The following SRBD1 variants were observed in gnomAD, a reference collection of about 807,000 sequenced individuals.
SRBD1 encodes S1 RNA-binding domain-containing protein 1.
In SRBD1, 88 loss-of-function variants were observed where a neutral mutation model predicts 115.3. The ratio of observed to expected loss-of-function variants is 0.76; its 90% CI spans 0.64 to 0.91. The LOEUF (loss-of-function observed/expected upper bound fraction) is 0.91. Ranked by LOEUF, SRBD1 falls within the 40% of genes least tolerant of loss-of-function variation. SRBD1 has a pLI of 0.00. For missense variants in SRBD1, 1,385 were observed against 1,177.4 expected, an observed-to-expected ratio of 1.18 and a Z score of -2.58; for synonymous variants, 509 against 407.7, an observed-to-expected ratio of 1.25 and a Z score of -2.99.
chr2:45,583,536 CATAT>C (rs1673428261), intron 5 of SRBD1, among the ~76,000 whole-genome samples: 1 of 152,180 alleles, frequency 6.6e-6, no homozygotes, highest in Non-Finnish European at 1.5e-5. Context: ...AGTATACATA[CATAT>C]AGATGCTACA....
At chr2:45,471,734 T>G (rs548006425) in intron 16 of SRBD1, among the ~76,000 whole-genome samples, 1 of 152,288 alleles carries the variant, frequency 6.6e-6, no homozygotes, top group South Asian at 2.1e-4. Flanking sequence ...CTCTAAAATT[T>G]GGGTTTCTTT....
chr2:45,479,426 C>T (rs1008819037), intron 15 of SRBD1, among the ~76,000 whole-genome samples: 1 of 152,116 alleles, frequency 6.6e-6, no homozygotes, highest in African/African-American at 2.4e-5. Context: ...AGTGTGACTC[C>T]AGTGGACACA....
At chr2:45,585,121 G>C (rs948585989) in intron 5 of SRBD1, among the ~76,000 whole-genome samples, 8 of 151,158 alleles carry the variant, frequency 5.3e-5, no homozygotes, top group Non-Finnish European at 1.0e-4. Flanking sequence ...CTGCACTTCA[G>C]CCCAGGCGAC....
intron 14 of SRBD1, among the ~76,000 whole-genome samples, chr2:45,508,003 A>G (rs1670847667): frequency 6.6e-6 from 1 of 152,178 alleles, no homozygotes; most frequent in South Asian, 2.1e-4. Flanking sequence ...CATTTCTCCC[A>G]TCCCTTCTTA....
intron 4 of SRBD1, among the ~76,000 whole-genome samples, chr2:45,587,413 A>C (rs1673582487): frequency 1.3e-5 from 2 of 151,972 alleles, no homozygotes; most frequent in South Asian, 4.1e-4. Context: ...CGGAAAAGAG[A>C]AAGAATAAAA....
At chr2:45,562,359 G>T (rs13397609) in intron 10 of SRBD1, among the ~76,000 whole-genome samples, 23,982 of 151,796 alleles carry the variant, frequency 0.16, 4,488 homozygotes, top group African/African-American at 0.46. Context: ...CCTAAGTAGC[G>T]GGGATTACAG....
chr2:45,427,215 G>A (rs749894923), intron 16 of SRBD1, among the ~76,000 whole-genome samples: 16 of 150,634 alleles, frequency 1.1e-4, no homozygotes, highest in Non-Finnish European at 1.3e-4. Context: ...GAAAAACACC[G>A]CACAAGAACT....
At chr2:45,497,575 C>G (rs1315644657) in intron 14 of SRBD1, among the ~76,000 whole-genome samples, 5 of 152,100 alleles carry the variant, frequency 3.3e-5, no homozygotes, top group Admixed American at 2.6e-4. Flanking sequence ...CTAAGAAGTT[C>G]TCTGGTGAAT....
intron 20 of SRBD1, among the ~76,000 whole-genome samples, chr2:45,390,896 T>A (rs1558546754): frequency 6.6e-6 from 1 of 152,216 alleles, no homozygotes; most frequent in African/African-American, 2.4e-5. Context: ...TTCTGTGGAA[T>A]TTTACCTGAT....
At chr2:45,522,235 G>A (rs1453205608) in intron 14 of SRBD1, among the ~76,000 whole-genome samples, 2 of 151,902 alleles carry the variant, frequency 1.3e-5, no homozygotes, top group Admixed American at 6.6e-5. Flanking sequence ...CCAGGCTAGA[G>A]CAGTGGCATG....
At chr2:45,543,435 G>A (rs1672009560) in intron 14 of SRBD1, among the ~76,000 whole-genome samples, 1 of 152,226 alleles carries the variant, frequency 6.6e-6, no homozygotes, top group Non-Finnish European at 1.5e-5. Flanking sequence ...GGCAAAGAGT[G>A]TTGGAAGGAA....
intron 7 of SRBD1, among the ~76,000 whole-genome samples, chr2:45,577,103 A>G (rs1194352036): frequency 6.6e-6 from 1 of 152,184 alleles, no homozygotes; most frequent in Non-Finnish European, 1.5e-5. Flanking sequence ...ACTTTAAAAA[A>G]CTGCCACTAG....
chr2:45,522,446 G>A (rs1671315048), intron 14 of SRBD1, among the ~76,000 whole-genome samples: 1 of 152,128 alleles, frequency 6.6e-6, no homozygotes, highest in Non-Finnish European at 1.5e-5. Flanking sequence ...CCAAAGTGCT[G>A]GGATTATGGG....
intron 14 of SRBD1, among the ~76,000 whole-genome samples, chr2:45,522,649 G>C (rs1461369939): frequency 1.3e-5 from 2 of 152,110 alleles, no homozygotes; most frequent in African/African-American, 4.8e-5. Context: ...GAGATACCAA[G>C]ACCAACTCCT....
At chr2:45,432,645 C>G (rs1342345686) in intron 16 of SRBD1, among the ~76,000 whole-genome samples, 1 of 152,160 alleles carries the variant, frequency 6.6e-6, no homozygotes, top group Admixed American at 6.5e-5. Context: ...CTAACAGTGC[C>G]AATAATCCCT....
intron 14 of SRBD1, among the ~76,000 whole-genome samples, chr2:45,510,444 G>A (rs1670932604): frequency 6.6e-6 from 1 of 152,136 alleles, no homozygotes; most frequent in African/African-American, 2.4e-5. Flanking sequence ...ACAAAGATTA[G>A]AATTTACTGC....
At chr2:45,443,904 C>T (rs2103718400) in intron 16 of SRBD1, among the ~76,000 whole-genome samples, 1 of 151,166 alleles carries the variant, frequency 6.6e-6, no homozygotes, top group Admixed American at 6.6e-5. Flanking sequence ...TTTCATCAGA[C>T]CAGGCGCTTA....
intron 1 of SRBD1, among the ~76,000 whole-genome samples, chr2:45,606,482 T>G (rs1241185963): frequency 6.6e-6 from 1 of 152,170 alleles, no homozygotes; most frequent in African/African-American, 2.4e-5. Flanking sequence ...TCTTAATGAA[T>G]AAAGTAGAGG....
At chr2:45,570,362 C>T (rs1672968778) in intron 9 of SRBD1, among the ~76,000 whole-genome samples, 1 of 152,030 alleles carries the variant, frequency 6.6e-6, no homozygotes, top group Non-Finnish European at 1.5e-5. Flanking sequence ...CAAGGCAATC[C>T]TAATACCAAA....
Sources: allele counts gnomAD v4.1 joint callset (sites outside exome capture counted in the v4.1 genomes callset), GRCh38; gene constraint gnomAD v4.1.1; transcripts MANE v1.5; gene names NCBI Gene and HGNC (gene_info 2026-07-23, HGNC 2026-07-21).